RAPGEF4: variants seen among roughly 807,000 people sequenced by gnomAD.
The protein encoded by RAPGEF4 is RAP guanine-nucleotide-exchange factor (GEF) 4.
A neutral mutation model predicts 147.9 loss-of-function variants in RAPGEF4; 66 were observed. The observed-to-expected ratio is 0.45, with a 90% CI of 0.37 to 0.55. The LOEUF (loss-of-function observed/expected upper bound fraction) is 0.55. Among genes scored for constraint, RAPGEF4 ranks in the 20% least tolerant of loss-of-function variants. RAPGEF4 has a pLI of 0.00. For missense variants in RAPGEF4, 1,071 were observed against 1,257.3 expected, an observed-to-expected ratio of 0.85 and a Z score of 2.24; for synonymous variants, 419 against 442.7, an observed-to-expected ratio of 0.95 and a Z score of 0.67.
At chr2:172,861,613 T>C (rs140687651) in intron 4 of RAPGEF4, among the ~76,000 whole-genome samples, 1 of 152,242 alleles carries the variant, frequency 6.6e-6, no homozygotes, top group Non-Finnish European at 1.5e-5. Flanking sequence ...CAGGGTTCTA[T>C]ACACTATGTC....
At position 173,029,786 on chromosome 2, in the gene RAPGEF4, T is replaced by C. The variant is rs142307912; in HGVS notation, c.2559-378T>C. Among the ~76,000 whole-genome samples the C allele has an allele frequency of 7.2e-5, 11 of 152,318 alleles. No individual in the cohort carries two copies. In the East Asian group the frequency reaches 2.1e-3, roughly 29 times the overall value. The stretch of plus-strand genomic sequence containing the variant: ...AGCTGCCAGAGGAGGATATCCACCT[T>C]CAGGCTAAAGGTCTAGAAATCTCCA... On this transcript the variant is annotated intron_variant, in intron 25 of 30. Transcript: ENST00000397081.
chr2:172,955,455 A>C (rs1245931440), intron 6 of RAPGEF4, among the ~76,000 whole-genome samples: 1 of 152,208 alleles, frequency 6.6e-6, no homozygotes. Context: ...TTCGTGGAGA[A>C]AGCCAAGAAA....
At chr2:173,007,107 A>G (rs1694558329) in intron 17 of RAPGEF4, among the ~76,000 whole-genome samples, 1 of 152,228 alleles carries the variant, frequency 6.6e-6, no homozygotes, top group Non-Finnish European at 1.5e-5. Flanking sequence ...AGGGAAAGTG[A>G]GCTTGAGCAG....
chr2:172,985,293 G>C (rs1397412777), intron 11 of RAPGEF4, 140 bp from the exon 12 acceptor site: 14 of 1,157,804 alleles, frequency 1.2e-5, no homozygotes, highest in Middle Eastern at 2.0e-4. Context: ...TTTTAGATGA[G>C]AGCAGCAGCA....
chr2:172,861,922 A>T (rs1694092608), intron 4 of RAPGEF4, among the ~76,000 whole-genome samples: 1 of 152,220 alleles, frequency 6.6e-6, no homozygotes, highest in South Asian at 2.1e-4. Flanking sequence ...TGCCAAAATG[A>T]TGCACGTAGC....
chr2:172,913,560 T>C (rs1397719077), intron 4 of RAPGEF4, among the ~76,000 whole-genome samples: 1 of 152,222 alleles, frequency 6.6e-6, no homozygotes. Context: ...TGTTGGCTCC[T>C]GGGTTGGAAT....
chr2:172,802,945 C>T (rs985485038), intron 3 of RAPGEF4, among the ~76,000 whole-genome samples: 2 of 152,204 alleles, frequency 1.3e-5, no homozygotes, highest in Admixed American at 1.3e-4. Flanking sequence ...CTCTATGTCT[C>T]ATATTCAGGT....
At chr2:172,747,185 C>G (rs1172450068) in intron 1 of RAPGEF4, among the ~76,000 whole-genome samples, 1 of 152,138 alleles carries the variant, frequency 6.6e-6, no homozygotes, top group Non-Finnish European at 1.5e-5. Context: ...TTCTTCTAGT[C>G]ATTAATTTTT....
At chr2:172,860,398 G>T in intron 4 of RAPGEF4, 1 of 841,544 alleles carries the variant, frequency 1.2e-6, no homozygotes, top group Non-Finnish European at 1.4e-6. Context: ...CCTCAAGCAT[G>T]TTTATTTACA....
intron 4 of RAPGEF4, among the ~76,000 whole-genome samples, chr2:172,914,429 G>T (rs1683818783): frequency 7.1e-6 from 1 of 140,672 alleles, no homozygotes; most frequent in Non-Finnish European, 1.5e-5. Flanking sequence ...CCACCTTCTG[G>T]TTCAAGCGAT....
Position 173,022,387 on chromosome 2 carries a change from A to C in RAPGEF4, c.2253+1672A>C, listed in dbSNP as rs79398932. Among the ~76,000 whole-genome samples, 900 of 152,338 alleles carry C rather than the reference A, an allele frequency of 5.9e-3. 11 individuals carry two copies. The highest frequency in any genetic ancestry group is 0.02 in the African/African-American group (842 of 41,574). ...GTCCTCTGCATTGAGTACCCTGGGCATGAACTTCTTCCCTATCAGCGCTCT... is the reference window on the plus strand; with the variant it reads ...GTCCTCTGCATTGAGTACCCTGGGCCTGAACTTCTTCCCTATCAGCGCTCT... On this transcript the variant is annotated intron_variant, in intron 23 of 30. Coordinates refer to ENST00000397081, the MANE Select transcript of RAPGEF4 (RefSeq NM_007023.4).
chr2:172,761,650 C>T (rs1039210163), intron 1 of RAPGEF4, among the ~76,000 whole-genome samples: 8 of 152,070 alleles, frequency 5.3e-5, no homozygotes, highest in African/African-American at 1.9e-4. Context: ...AAGAAGGAAT[C>T]TTGGAATATC....
intron 1 of RAPGEF4, among the ~76,000 whole-genome samples, chr2:172,758,727 G>C (rs535905331): frequency 6.8e-6 from 1 of 147,932 alleles, no homozygotes; most frequent in African/African-American, 2.7e-5. Context: ...GTTATGACGC[G>C]GAAGGCTGTA....
chr2:172,787,599 C>CTTTATTTATTTA (rs60645567), intron 1 of RAPGEF4, among the ~76,000 whole-genome samples: 18,748 of 145,322 alleles, frequency 0.13, 1,388 homozygotes, highest in Middle Eastern at 0.18. Context: ...AAACAAAGTG[C>CTTTATTTATTTA]TTTATTTATT....
At chr2:172,960,247 G>A (rs1299191341) in intron 6 of RAPGEF4, among the ~76,000 whole-genome samples, 1 of 152,164 alleles carries the variant, frequency 6.6e-6, no homozygotes. Context: ...GAGCTTGAGT[G>A]CATAGAACCG....
chr2:172,952,298 T>G (rs959422851), intron 6 of RAPGEF4, among the ~76,000 whole-genome samples: 4 of 152,336 alleles, frequency 2.6e-5, no homozygotes, highest in Middle Eastern at 3.4e-3. Context: ...AACATTTGTT[T>G]TATTTCCAAA....
At chr2:172,779,219 A>C (rs972811441) in intron 1 of RAPGEF4, among the ~76,000 whole-genome samples, 4 of 152,228 alleles carry the variant, frequency 2.6e-5, no homozygotes, top group East Asian at 1.9e-4. Flanking sequence ...TAGCCAAAAT[A>C]AATCAATCAA....
At chr2:172,761,170 G>GTAAT (rs1696295751) in intron 1 of RAPGEF4, among the ~76,000 whole-genome samples, 1 of 147,856 alleles carries the variant, frequency 6.8e-6, no homozygotes, top group Non-Finnish European at 1.5e-5. Context: ...TTGTTGCCCA[G>GTAAT]GCTGGAGTGC....
chr2:172,874,839 G>T (rs890721477), intron 4 of RAPGEF4, among the ~76,000 whole-genome samples: 2 of 152,140 alleles, frequency 1.3e-5, no homozygotes, highest in Non-Finnish European at 2.9e-5. Context: ...TTCCACAATG[G>T]TTGAACAGTT....
Sources: allele counts gnomAD v4.1 joint callset (sites outside exome capture counted in the v4.1 genomes callset), GRCh38; gene constraint gnomAD v4.1.1; transcripts MANE v1.5; gene names NCBI Gene and HGNC (gene_info 2026-07-23, HGNC 2026-07-21).